The following AGBL4 variants were observed in gnomAD, a reference collection of about 807,000 sequenced individuals.
The protein encoded by AGBL4 is cytosolic carboxypeptidase 6.
AGBL4 carries 58 observed loss-of-function variants against 66.4 expected under a neutral mutation model. That is an observed-to-expected ratio of 0.87 (90% CI 0.71 to 1.09). The LOEUF is 1.09. AGBL4 is among the 50% of genes least tolerant of loss of function. The pLI is 0.00. For synonymous variants in AGBL4, 234 were observed against 222.9 expected (o/e 1.05, Z -0.44); for missense variants, 579 against 631.0 (o/e 0.92, Z 0.88).
chr1:48,917,576 T>C (rs1208538133), intron 5 of AGBL4, among the ~76,000 whole-genome samples: 3 of 152,212 alleles, frequency 2.0e-5, no homozygotes, highest in African/African-American at 7.2e-5. Context: ...AAAAGAACAC[T>C]GTCTCAAAAC....
At chr1:48,822,986 T>G (rs1646348762) in intron 6 of AGBL4, among the ~76,000 whole-genome samples, 1 of 152,186 alleles carries the variant, frequency 6.6e-6, no homozygotes, top group Non-Finnish European at 1.5e-5. Context: ...GGTCTCATGG[T>G]CCCAGCCCAG....
chr1:48,936,339 G>T (rs1246895885), intron 5 of AGBL4, among the ~76,000 whole-genome samples: 1 of 152,108 alleles, frequency 6.6e-6, no homozygotes, highest in Admixed American at 6.6e-5. Context: ...CAGTTTCTCG[G>T]TATCCTTCCT....
At chr1:49,700,165 T>C (rs1310939794) in intron 2 of AGBL4, among the ~76,000 whole-genome samples, 1 of 151,470 alleles carries the variant, frequency 6.6e-6, no homozygotes, top group African/African-American at 2.4e-5. Context: ...AAAAGCACTA[T>C]TAATAAGAAA....
At chr1:48,561,804 A>G (rs1210609401) in intron 11 of AGBL4, among the ~76,000 whole-genome samples, 1 of 152,152 alleles carries the variant, frequency 6.6e-6, no homozygotes, top group Non-Finnish European at 1.5e-5. Context: ...AACTTGCGCC[A>G]TCAGCTCTCC....
chr1:49,618,402 C>T (rs1376414838), intron 3 of AGBL4, among the ~76,000 whole-genome samples: 1 of 132,066 alleles, frequency 7.6e-6, no homozygotes, highest in East Asian at 1.9e-4. Flanking sequence ...CAAACACCCT[C>T]CCAAGACTAA....
At chr1:49,484,539 T>A (rs1647023350) in intron 3 of AGBL4, among the ~76,000 whole-genome samples, 1 of 151,952 alleles carries the variant, frequency 6.6e-6, no homozygotes, top group South Asian at 2.1e-4. Flanking sequence ...ATTTGTGGGA[T>A]CTGAAAATTT....
chr1:48,881,126 G>A (rs1448856303), intron 5 of AGBL4, among the ~76,000 whole-genome samples: 4 of 152,068 alleles, frequency 2.6e-5, no homozygotes, highest in South Asian at 2.1e-4. Flanking sequence ...CTAAAAGTGT[G>A]TACCTTTTTA....
intron 3 of AGBL4, among the ~76,000 whole-genome samples, chr1:49,499,482 C>T (rs1647925443): frequency 6.6e-6 from 1 of 151,838 alleles, no homozygotes; most frequent in Non-Finnish European, 1.5e-5. Context: ...GTGTACGTGG[C>T]ACCCAAAGTG....
intron 3 of AGBL4, among the ~76,000 whole-genome samples, chr1:49,464,819 T>C (rs1376199267): frequency 6.6e-6 from 1 of 151,528 alleles, no homozygotes; most frequent in African/African-American, 2.4e-5. Flanking sequence ...TGTCAGTAAA[T>C]GGAAACATGG....
chr1:49,069,989 T>C (rs943716859), intron 4 of AGBL4, among the ~76,000 whole-genome samples: 2 of 151,898 alleles, frequency 1.3e-5, no homozygotes, highest in Non-Finnish European at 2.9e-5. Context: ...ATTCTCTTTG[T>C]AGCAATTGTG....
intron 3 of AGBL4, among the ~76,000 whole-genome samples, chr1:49,549,238 C>A (rs1652753975): frequency 6.6e-6 from 1 of 151,212 alleles, no homozygotes; most frequent in Non-Finnish European, 1.5e-5. Flanking sequence ...TTCAAAGAAC[C>A]AGCTTTTTAT....
chr1:49,098,190 A>G (rs1645140939), intron 4 of AGBL4, among the ~76,000 whole-genome samples: 1 of 152,244 alleles, frequency 6.6e-6, no homozygotes, highest in Non-Finnish European at 1.5e-5. Context: ...ATTAACCACA[A>G]TCTGTAAGAA....
At chr1:49,187,918 A>G (rs1391502829) in intron 4 of AGBL4, among the ~76,000 whole-genome samples, 2 of 152,126 alleles carry the variant, frequency 1.3e-5, no homozygotes, top group Non-Finnish European at 2.9e-5. Context: ...GTGGGAGGTA[A>G]CTGAATTATG....
chr1:48,996,813 T>TCTTC (rs1661032664), intron 5 of AGBL4, among the ~76,000 whole-genome samples: 1 of 130,444 alleles, frequency 7.7e-6, no homozygotes, highest in Non-Finnish European at 1.7e-5. Flanking sequence ...TTTCCTTCCT[T>TCTTC]CCTCCCTTCC....
In AGBL4 at chr1:49,697,297, C is replaced by T. The variant is rs534982275; in HGVS notation, c.282+16G>A. On this transcript the variant is annotated intron_variant, in intron 3 of 13. Transcript: ENST00000371839. ...CTTACCAAAACCACTCTGAAGGTATCCACTATTTCCCTCACCTGTGATTCT... is the reference window on the plus strand; with the variant it reads ...CTTACCAAAACCACTCTGAAGGTATTCACTATTTCCCTCACCTGTGATTCT... 1.9e-6 allele frequency: 3 copies of T among 1,541,330 alleles called. No homozygotes were observed. The highest frequency in any genetic ancestry group is 2.4e-5 in the South Asian group (2 of 83,222).
intron 6 of AGBL4, among the ~76,000 whole-genome samples, chr1:48,684,621 A>T (rs1267277774): frequency 6.6e-6 from 1 of 152,206 alleles, no homozygotes; most frequent in Non-Finnish European, 1.5e-5. Flanking sequence ...AGTGCCACTT[A>T]TGCCTAACAT....
At chr1:48,922,073 G>C (rs943847316) in intron 5 of AGBL4, among the ~76,000 whole-genome samples, 2 of 151,986 alleles carry the variant, frequency 1.3e-5, no homozygotes, top group African/African-American at 4.8e-5. Flanking sequence ...GATCTTTGAG[G>C]GGCACAGCCC....
intron 6 of AGBL4, among the ~76,000 whole-genome samples, chr1:48,706,389 C>G (rs1417493983): frequency 1.3e-5 from 2 of 152,026 alleles, no homozygotes; most frequent in African/African-American, 4.8e-5. Context: ...TTTTCATTCT[C>G]AAAATATAAC....
intron 2 of AGBL4, among the ~76,000 whole-genome samples, chr1:49,775,723 A>G (rs1194775902): frequency 1.3e-5 from 2 of 152,084 alleles, no homozygotes; most frequent in Admixed American, 6.5e-5. Flanking sequence ...TCAGTGTCTT[A>G]TACATCATAG....
Sources: gnomAD v4.1 joint callset for allele counts (sites outside exome capture counted in the v4.1 genomes callset) on GRCh38, gnomAD v4.1.1 for gene constraint, MANE v1.5 for transcripts, NCBI Gene and HGNC (gene_info 2026-07-23, HGNC 2026-07-21) for gene names.